Variants in SCFD2 observed in about 807,000 individuals in gnomAD.
SCFD2 encodes the protein sec1 family domain-containing protein 2.
A neutral mutation model predicts 58.9 loss-of-function variants in SCFD2; 54 were observed. The observed-to-expected ratio is 0.92, with a 90% CI of 0.74 to 1.15. The LOEUF (loss-of-function observed/expected upper bound fraction) is 1.15, where lower values mean the gene tolerates loss of function less well. Among genes scored for constraint, SCFD2 ranks in the 50% most tolerant of loss-of-function variants. The pLI, the probability that SCFD2 is intolerant of heterozygous loss-of-function variation, is 0.00. For synonymous variants in SCFD2, 321 were observed against 335.9 expected, an observed-to-expected ratio of 0.96 and a Z score of 0.49; for missense variants, 805 against 836.6, an observed-to-expected ratio of 0.96 and a Z score of 0.47.
chr4:53,118,806 A>G (rs1725393369), intron 5 of SCFD2, among the ~76,000 whole-genome samples: 2 of 152,174 alleles, frequency 1.3e-5, no homozygotes, highest in African/African-American at 2.4e-5. Context: ...CTGCCACACT[A>G]TATCTATTCC....
At chr4:52,893,565 GC>G (rs1348232539) in intron 7 of SCFD2, among the ~76,000 whole-genome samples, 1 of 152,052 alleles carries the variant, frequency 6.6e-6, no homozygotes, top group Non-Finnish European at 1.5e-5. Context: ...AATCTCCCCT[GC>G]CCACATGGTC....
At chr4:53,257,243 C>T (rs541318990) in intron 4 of SCFD2, among the ~76,000 whole-genome samples, 1 of 152,254 alleles carries the variant, frequency 6.6e-6, no homozygotes, top group African/African-American at 2.4e-5. Flanking sequence ...CTTTTCTTCT[C>T]GGTCACAGGC....
chr4:52,918,061 T>C (rs990881529), intron 6 of SCFD2, among the ~76,000 whole-genome samples: 1 of 152,136 alleles, frequency 6.6e-6, no homozygotes, highest in Non-Finnish European at 1.5e-5. Flanking sequence ...CCAGGCCAGC[T>C]AGCACTCTCC....
At chr4:53,032,968 C>T (rs1722657008) in intron 5 of SCFD2, among the ~76,000 whole-genome samples, 1 of 152,076 alleles carries the variant, frequency 6.6e-6, no homozygotes, top group Non-Finnish European at 1.5e-5. Context: ...CCAAGCAGAC[C>T]TAATAGACAT....
At chr4:52,894,072 C>A (rs1324434236) in intron 7 of SCFD2, among the ~76,000 whole-genome samples, 2 of 152,308 alleles carry the variant, frequency 1.3e-5, no homozygotes, top group East Asian at 3.9e-4. Flanking sequence ...TGCTCTAGTT[C>A]TCTTTGTGGT....
At chr4:52,965,873 C>T (rs1720951536) in intron 5 of SCFD2, among the ~76,000 whole-genome samples, 1 of 152,194 alleles carries the variant, frequency 6.6e-6, no homozygotes, top group Non-Finnish European at 1.5e-5. Context: ...AAAAACTTGA[C>T]TCTGGTGTCT....
At chr4:53,104,526 G>T (rs1406441853) in intron 5 of SCFD2, among the ~76,000 whole-genome samples, 1 of 152,086 alleles carries the variant, frequency 6.6e-6, no homozygotes, top group Non-Finnish European at 1.5e-5. Flanking sequence ...AAGGATATTA[G>T]GTAGAAACTA....
At chr4:53,173,455 T>A (rs1727238081) in intron 4 of SCFD2, among the ~76,000 whole-genome samples, 1 of 151,090 alleles carries the variant, frequency 6.6e-6, no homozygotes, top group African/African-American at 2.4e-5. Context: ...CCCTTCACTA[T>A]CAGTCTATGT....
intron 5 of SCFD2, among the ~76,000 whole-genome samples, chr4:53,078,123 C>A (rs572144271): frequency 2.5e-4 from 38 of 152,138 alleles, no homozygotes; most frequent in Non-Finnish European, 4.6e-4. Flanking sequence ...TTAGCACCAT[C>A]ATTTGCCTTA....
intron 5 of SCFD2, among the ~76,000 whole-genome samples, chr4:52,980,917 C>A (rs12504032): frequency 0.35 from 52,477 of 151,902 alleles, 10,224 homozygotes; most frequent in Middle Eastern, 0.48. Flanking sequence ...CTGGGCCCAG[C>A]ATTTGCTTAT....
intron 5 of SCFD2, among the ~76,000 whole-genome samples, chr4:52,978,000 C>T (rs551905764): frequency 3.9e-5 from 6 of 152,286 alleles, no homozygotes; most frequent in Admixed American, 3.3e-4. Context: ...TCTGTCTGTG[C>T]CCAACAGCTC....
intron 5 of SCFD2, among the ~76,000 whole-genome samples, chr4:52,988,519 C>A (rs1328991178): frequency 7.9e-5 from 12 of 152,140 alleles, no homozygotes; most frequent in Non-Finnish European, 1.5e-4. Flanking sequence ...GGGAGAATGA[C>A]CGCTGCTGAT....
chr4:53,164,764 C>T (rs553394605), intron 4 of SCFD2, among the ~76,000 whole-genome samples: 31 of 116,388 alleles, frequency 2.7e-4, no homozygotes, highest in African/African-American at 9.5e-4. Flanking sequence ...GCAGCCTGGG[C>T]GAAAAAGCGA....
At chr4:53,232,050 T>C (rs190196815) in intron 4 of SCFD2, among the ~76,000 whole-genome samples, 156 of 152,234 alleles carry the variant, frequency 1.0e-3, no homozygotes, top group African/African-American at 3.5e-3. Flanking sequence ...AGAAATTCTA[T>C]ATTTTTCAAC....
intron 5 of SCFD2, among the ~76,000 whole-genome samples, chr4:53,033,882 G>C (rs1288313177): frequency 6.6e-6 from 1 of 152,110 alleles, no homozygotes; most frequent in Non-Finnish European, 1.5e-5. Flanking sequence ...CCTACCAGAG[G>C]TACAAAGAGG....
intron 4 of SCFD2, among the ~76,000 whole-genome samples, chr4:53,242,836 T>C (rs1729942794): frequency 6.6e-6 from 1 of 152,126 alleles, no homozygotes; most frequent in Non-Finnish European, 1.5e-5. Context: ...CAAAATGTAA[T>C]ATCACAAGTA....
Position 53,085,652 on chromosome 4 carries a change from A to T in SCFD2, c.1561+59681T>A, listed in dbSNP as rs1724283954. On this transcript the variant is annotated intron_variant, in intron 5 of 8. Transcript: ENST00000401642. ...TCAAATTATATTGCAGAGCTATAGT[A>T]ACCAAAATAGCATGGCACTGGCATA... Among the ~76,000 whole-genome samples, 3 of 152,176 alleles carry T rather than the reference A, an allele frequency of 2.0e-5. 1 individual carries two copies. Among genetic ancestry groups the T allele is most frequent in the Admixed American group, 2.0e-4 (3 of 15,272 alleles).
intron 5 of SCFD2, among the ~76,000 whole-genome samples, chr4:53,122,574 G>C (rs1725510672): frequency 6.6e-6 from 1 of 152,152 alleles, no homozygotes; most frequent in Admixed American, 6.6e-5. Context: ...GAATGTCGGA[G>C]CCTCTCGGTC....
chr4:53,197,731 T>C (rs1442068956), intron 4 of SCFD2, among the ~76,000 whole-genome samples: 1 of 122,508 alleles, frequency 8.2e-6, no homozygotes, highest in African/African-American at 3.2e-5. Context: ...ATTGTAAATA[T>C]GACATTAGAA....
Sources: gnomAD v4.1 joint callset for allele counts (sites outside exome capture counted in the v4.1 genomes callset) on GRCh38, gnomAD v4.1.1 for gene constraint, MANE v1.5 for transcripts, NCBI Gene and HGNC (gene_info 2026-07-23, HGNC 2026-07-21) for gene names.